Variants in IL18 observed in about 807,000 individuals in gnomAD.
IL18 encodes interleukin 18.
A neutral mutation model predicts 14.2 loss-of-function variants in IL18; 8 were observed. That is an observed-to-expected ratio of 0.56 (90% confidence interval 0.33 to 1.01). The LOEUF is 1.01. Among genes scored for constraint, IL18 ranks in the 50% least tolerant of loss-of-function variants. The pLI is 0.03. For synonymous variants in IL18, 67 were observed against 71.0 expected (o/e 0.94, Z 0.28); for missense variants, 166 against 231.1 (o/e 0.72, Z 1.83).
At chr11:112,145,455 T>G (rs745371556) in intron 5 of IL18, among the ~76,000 whole-genome samples, 6 of 152,298 alleles carry the variant, frequency 3.9e-5, no homozygotes, top group African/African-American at 1.4e-4. Context: ...AAAGTTACAG[T>G]TGAGCCGGGT....
chr11:112,145,118 C>T lies in IL18; in HGVS notation c.361-1301G>A, dbSNP rs924984973. ...CTCCAAAATTAAAATAGCATTTCTT[C>T]ATCCTTCAAAGAGCCTGAAAGACTC... On this transcript the variant is annotated intron_variant, in intron 5 of 5. Coordinates refer to ENST00000280357, the MANE Select transcript of IL18 (RefSeq NM_001562.4). Among the ~76,000 whole-genome samples, 12 of 20,326 alleles carry T rather than the reference C, an allele frequency of 5.9e-4. 1 individual carries two copies. Among genetic ancestry groups the T allele is most frequent in the African/African-American group, 1.3e-3 (12 of 9,002 alleles). The allele number at this position is 20,326 out of a possible 152,430, so 13.3% of individuals were successfully genotyped here. A position where few individuals can be genotyped will look rare whatever the true frequency, so the allele number is the denominator to read the frequency against.
intron 1 of IL18, among the ~76,000 whole-genome samples, chr11:112,157,699 A>G (rs572134449): frequency 2.2e-4 from 34 of 152,292 alleles, no homozygotes; most frequent in African/African-American, 7.5e-4. Flanking sequence ...GCTTCCACCA[A>G]GAAGAAGCAA....
At chr11:112,154,450 C>A (rs555042123) in intron 2 of IL18, among the ~76,000 whole-genome samples, 1 of 151,614 alleles carries the variant, frequency 6.6e-6, no homozygotes, top group Admixed American at 6.6e-5. Context: ...TGCTTGAACC[C>A]AGGAGGTGGA....
At chr11:112,154,254 G>C (rs1866494612) in intron 2 of IL18, among the ~76,000 whole-genome samples, 1 of 152,108 alleles carries the variant, frequency 6.6e-6, no homozygotes, top group African/African-American at 2.4e-5. Flanking sequence ...GCCATGTGTG[G>C]TGGTTCATGC....
At chr11:112,149,671 T>C in intron 4 of IL18, among the ~76,000 whole-genome samples, 1 of 149,776 alleles carries the variant, frequency 6.7e-6, no homozygotes, top group East Asian at 2.0e-4. Flanking sequence ...AGCCTCAAAG[T>C]CCTGGCCTCA....
At chr11:112,162,341 CT>C (rs140882241) in intron 1 of IL18, among the ~76,000 whole-genome samples, 47,634 of 130,926 alleles carry the variant, frequency 0.36, 7,636 homozygotes, top group South Asian at 0.56. Context: ...CTTTTCTTTT[CT>C]TTTTTTTTTT....
At chr11:112,152,163 C>A (rs543407981) in intron 3 of IL18, among the ~76,000 whole-genome samples, 1 of 152,300 alleles carries the variant, frequency 6.6e-6, no homozygotes, top group South Asian at 2.1e-4. Flanking sequence ...TTTGTATACA[C>A]CAAAACCTGC....
In IL18 at chr11:112,148,663, G is replaced by T; in HGVS notation, c.300C>A (p.Ile100=). Residue 100 remains isoleucine, a synonymous_variant, in exon 5 of 6, where the codon ATC becomes ATA. Coordinates refer to ENST00000280357, the MANE Select transcript of IL18 (RefSeq NM_001562.4). ...DSQPRGMAVT[I]SVKCEKISTL... ...TTGAAATTTTCTCACACTTCACAGA[G>T]ATAGTTACAGCCATACCTCTAGGCT... is the stretch of plus-strand genomic sequence containing the variant. The T allele has an allele frequency of 6.6e-7, 1 of 1,513,306 alleles. No individual in the cohort carries two copies. The highest frequency in any genetic ancestry group is 8.9e-7 in the Non-Finnish European group (1 of 1,122,816). The allele number at this position is 1,513,306 out of a possible 1,614,324, so 93.7% of individuals were successfully genotyped here.
chr11:112,148,172 TATC>T (rs1482795569), intron 5 of IL18, among the ~76,000 whole-genome samples: 1 of 152,222 alleles, frequency 6.6e-6, no homozygotes, highest in Non-Finnish European at 1.5e-5. Context: ...ATTAAAATAT[TATC>T]ATAATTTACA....
At chr11:112,158,279 C>T (rs554593079) in intron 1 of IL18, among the ~76,000 whole-genome samples, 19 of 152,314 alleles carry the variant, frequency 1.2e-4, no homozygotes, top group Non-Finnish European at 2.6e-4. Context: ...AGAGCCACTG[C>T]GCCCAGCCAA....
chr11:112,154,477 G>A (rs1866498635), intron 2 of IL18, among the ~76,000 whole-genome samples: 1 of 149,866 alleles, frequency 6.7e-6, no homozygotes, highest in African/African-American at 2.5e-5. Flanking sequence ...AGTGAGCAGA[G>A]ATTGTGCCAC....
At chr11:112,160,401 C>A (rs1285325230) in intron 1 of IL18, among the ~76,000 whole-genome samples, 1 of 150,510 alleles carries the variant, frequency 6.6e-6, no homozygotes, top group Non-Finnish European at 1.5e-5. Flanking sequence ...CTTCTCTGCT[C>A]TTTCATTCCT....
chr11:112,158,698 T>C (rs1470174638), intron 1 of IL18, among the ~76,000 whole-genome samples: 1 of 152,184 alleles, frequency 6.6e-6, no homozygotes, highest in Non-Finnish European at 1.5e-5. Context: ...CAGATAATTC[T>C]ACCAAGTATA....
At position 112,150,130 on chromosome 11, in the gene IL18, G is replaced by A; in HGVS notation, c.168C>T (p.Leu56=). 1 of 1,609,856 alleles carries A rather than the reference G, an allele frequency of 6.2e-7. No individual in the cohort carries two copies. Among genetic ancestry groups the A allele is most frequent in the Non-Finnish European group, 8.5e-7 (1 of 1,176,662 alleles). The change falls in exon 4 of 6, where the codon CTC becomes CTT. Residue 56 remains leucine (L), a synonymous_variant. Coordinates refer to ENST00000280357, the MANE Select transcript of IL18 (RefSeq NM_001562.4). Reference sequence around the variant, plus strand: ...GAGGCCGATTTCCTTGGTCAATGAAGAGAACTTGGTCATTCAAATTTCTTA... The same window carrying A: ...GAGGCCGATTTCCTTGGTCAATGAAAAGAACTTGGTCATTCAAATTTCTTA... ...SVIRNLNDQV[L]FIDQGNRPLF... is the part of the protein sequence containing the mutation.
At chr11:112,162,608 G>C (rs761851796) in intron 1 of IL18, among the ~76,000 whole-genome samples, 2 of 152,124 alleles carry the variant, frequency 1.3e-5, no homozygotes, top group Non-Finnish European at 2.9e-5. Flanking sequence ...GCCTTCCAAA[G>C]TGTTGGGATT....
At chr11:112,151,797 T>C (rs1592811829) in intron 3 of IL18, among the ~76,000 whole-genome samples, 3 of 152,282 alleles carry the variant, frequency 2.0e-5, no homozygotes, top group Middle Eastern at 6.8e-3. Context: ...ATCCCCTCAA[T>C]CTTGAAATGC....
rs541144166 is a variant in IL18, at chr11:112,148,528, T to G, written c.360+75A>C. The G allele has an allele frequency of 1.6e-5, 12 of 767,934 alleles. No homozygotes were observed. The South Asian group carries it at 2.7e-4, about 17-fold the overall frequency. 47.6% of individuals were successfully genotyped at this position (767,934 alleles called of 1,614,324 possible). ...TCTAATTACATTACTTATATTAACATTAGAAATAATGTTATATTTCTAATT... is the reference window on the plus strand; with the variant it reads ...TCTAATTACATTACTTATATTAACAGTAGAAATAATGTTATATTTCTAATT... On this transcript the variant is annotated intron_variant, in intron 5 of 5. Coordinates refer to ENST00000280357, the MANE Select transcript of IL18 (RefSeq NM_001562.4).
At chr11:112,161,539 C>T (rs1388983123) in intron 1 of IL18, among the ~76,000 whole-genome samples, 1 of 152,202 alleles carries the variant, frequency 6.6e-6, no homozygotes, top group African/African-American at 2.4e-5. Flanking sequence ...TGGCTTATGC[C>T]TGTAATACCA....
intron 1 of IL18, among the ~76,000 whole-genome samples, chr11:112,162,967 A>G (rs982344832): frequency 9.9e-5 from 15 of 152,102 alleles, no homozygotes; most frequent in African/African-American, 3.4e-4. Context: ...TTTTTTGTAG[A>G]GACTGTGTTG....
Sources: gnomAD v4.1 joint callset for allele counts (sites outside exome capture counted in the v4.1 genomes callset) on GRCh38, gnomAD v4.1.1 for gene constraint, MANE v1.5 for transcripts, NCBI Gene and HGNC (gene_info 2026-07-23, HGNC 2026-07-21) for gene names.